ACER3: variants seen among roughly 807,000 people sequenced by gnomAD.
The protein encoded by ACER3 is alkCDase 3.
ACER3 carries 16 observed loss-of-function variants against 48.9 expected under a neutral mutation model. That is an observed-to-expected ratio of 0.33 (90% CI 0.22 to 0.50). The LOEUF (loss-of-function observed/expected upper bound fraction) is 0.50, where lower values mean the gene tolerates loss of function less well. Ranked by LOEUF, ACER3 falls within the 20% of genes least tolerant of loss-of-function variation. The probability of loss-of-function intolerance (pLI) is 0.98; values close to 1 mark genes in which losing one functional copy is unlikely to be tolerated. For missense variants in ACER3, 227 were observed against 326.0 expected, an observed-to-expected ratio of 0.70 and a Z score of 2.34; for synonymous variants, 109 against 107.8, an observed-to-expected ratio of 1.01 and a Z score of -0.07.
intron 1 of ACER3, among the ~76,000 whole-genome samples, chr11:76,897,200 G>T (rs1945955142): frequency 6.6e-6 from 1 of 152,094 alleles, no homozygotes; most frequent in African/African-American, 2.4e-5. Context: ...CAAGTGATCT[G>T]CCCGTTTCAG....
At chr11:76,877,358 A>G (rs1238517150) in intron 1 of ACER3, among the ~76,000 whole-genome samples, 1 of 152,170 alleles carries the variant, frequency 6.6e-6, no homozygotes, top group Non-Finnish European at 1.5e-5. Flanking sequence ...ATGCATGTTA[A>G]AATCTTGATG....
chr11:76,902,227 A>G (rs1194381214), intron 1 of ACER3, among the ~76,000 whole-genome samples: 3 of 152,246 alleles, frequency 2.0e-5, no homozygotes, highest in East Asian at 1.9e-4. Context: ...AAAATTATCA[A>G]ACCATCCTAT....
chr11:76,914,802 T>C (rs2134744799), intron 1 of ACER3, among the ~76,000 whole-genome samples: 1 of 152,296 alleles, frequency 6.6e-6, no homozygotes, highest in South Asian at 2.1e-4. Flanking sequence ...AACCCAGATG[T>C]CCATCAATGA....
intron 2 of ACER3, among the ~76,000 whole-genome samples, chr11:76,946,060 C>T (rs1327393482): frequency 6.6e-6 from 1 of 152,152 alleles, no homozygotes; most frequent in Admixed American, 6.5e-5. Context: ...CCAGGGAGGG[C>T]AAGGCCCCTC....
At chr11:76,871,049 T>G (rs779252390) in intron 1 of ACER3, among the ~76,000 whole-genome samples, 1 of 152,226 alleles carries the variant, frequency 6.6e-6, no homozygotes, top group Non-Finnish European at 1.5e-5. Context: ...CTGGAAATTT[T>G]AGGGCAGAGA....
intron 1 of ACER3, among the ~76,000 whole-genome samples, chr11:76,875,054 T>C (rs1348854883): frequency 6.6e-6 from 1 of 151,610 alleles, no homozygotes; most frequent in Admixed American, 6.6e-5. Flanking sequence ...TTTGAGGACT[T>C]TCTATTGACT....
intron 2 of ACER3, among the ~76,000 whole-genome samples, chr11:76,946,383 C>A (rs923226136): frequency 1.3e-5 from 2 of 152,214 alleles, no homozygotes; most frequent in African/African-American, 2.4e-5. Flanking sequence ...AGTTTCACAG[C>A]AGTCTGTAGC....
In ACER3 at chr11:77,021,682, T is replaced by C. The variant is rs1949475596; in HGVS notation, c.*1355T>C. 1 of 152,202 alleles carries C rather than the reference T, an allele frequency of 6.6e-6. No individual in the cohort carries two copies. The highest frequency in any genetic ancestry group is 1.5e-5 in the Non-Finnish European group (1 of 68,036). 9.4% of individuals were successfully genotyped at this position (152,202 alleles called of 1,614,324 possible). On this transcript the variant is annotated 3_prime_UTR_variant, in exon 11 of 11. Transcript: ENST00000532485. ...CTCAGGATTAAATCCTGAGCTACAG[T>C]TTCAAAAGGAAAATCATTTTTTTCT...
intron 7 of ACER3, among the ~76,000 whole-genome samples, chr11:77,007,194 G>A (rs1949169931): frequency 6.6e-6 from 1 of 150,804 alleles, no homozygotes; most frequent in African/African-American, 2.4e-5. Context: ...GTTGTTTTTA[G>A]TTAGGGAATT....
chr11:76,881,245 A>G (rs561989335), intron 1 of ACER3, among the ~76,000 whole-genome samples: 1 of 125,628 alleles, frequency 8.0e-6, no homozygotes, highest in African/African-American at 2.6e-5. Context: ...ACAGAGTAAG[A>G]TAATGTCTCA....
intron 2 of ACER3, among the ~76,000 whole-genome samples, chr11:76,935,150 A>T (rs1947141005): frequency 1.3e-5 from 2 of 152,094 alleles, no homozygotes; most frequent in Admixed American, 6.5e-5. Flanking sequence ...TGAATATTTA[A>T]TAGGGGCTGT....
chr11:77,011,206 T>C, intron 7 of ACER3: 1 of 317,998 alleles, frequency 3.1e-6, no homozygotes, highest in African/African-American at 2.2e-5. Context: ...TTCTACACTC[T>C]TGCACCTGAT....
Position 76,998,023 on chromosome 11 carries a change from G to C in ACER3, c.439-740G>C, listed in dbSNP as rs12290686. On this transcript the variant is annotated intron_variant, in intron 6 of 10. Coordinates refer to ENST00000532485, the MANE Select transcript of ACER3 (RefSeq NM_018367.7). Reference sequence around the variant, plus strand: ...GGTTTCCTCTAAGAAGGAAGGGAGAGGGTTGGACTGGGAAGACACACATGC... The same window carrying C: ...GGTTTCCTCTAAGAAGGAAGGGAGACGGTTGGACTGGGAAGACACACATGC... Among the ~76,000 whole-genome samples the C allele has an allele frequency of 1.4e-3, 215 of 152,232 alleles. 2 individuals are homozygous for C. The highest frequency in any genetic ancestry group is 4.9e-3 in the African/African-American group (204 of 41,552).
intron 3 of ACER3, among the ~76,000 whole-genome samples, chr11:76,961,064 G>A (rs1947982753): frequency 6.6e-6 from 1 of 152,164 alleles, no homozygotes; most frequent in Non-Finnish European, 1.5e-5. Flanking sequence ...AGCACCAAGT[G>A]TTGGAGCCTG....
At chr11:76,909,753 A>T (rs1192256564) in intron 1 of ACER3, among the ~76,000 whole-genome samples, 1 of 152,214 alleles carries the variant, frequency 6.6e-6, no homozygotes, top group African/African-American at 2.4e-5. Context: ...CATTTGACCC[A>T]GCAATCCCAT....
At chr11:76,991,353 TG>T (rs1184394607) in intron 6 of ACER3, among the ~76,000 whole-genome samples, 1 of 152,230 alleles carries the variant, frequency 6.6e-6, no homozygotes, top group Non-Finnish European at 1.5e-5. Flanking sequence ...AAATATTTTG[TG>T]CTTATATAAA....
intron 3 of ACER3, among the ~76,000 whole-genome samples, chr11:76,968,502 A>G (rs1391389760): frequency 6.6e-6 from 1 of 152,248 alleles, no homozygotes; most frequent in East Asian, 1.9e-4. Flanking sequence ...CTAAGCCAAA[A>G]GAACAAAGCT....
At chr11:77,017,197 A>C (rs1373994511) in intron 9 of ACER3, among the ~76,000 whole-genome samples, 1 of 152,152 alleles carries the variant, frequency 6.6e-6, no homozygotes. Flanking sequence ...TGTGAAACTA[A>C]GAGTTGGGGT....
chr11:76,872,080 T>C (rs1048194751), intron 1 of ACER3, among the ~76,000 whole-genome samples: 2 of 114,230 alleles, frequency 1.8e-5, no homozygotes, highest in Admixed American at 1.3e-4. Flanking sequence ...TGGCATAGGC[T>C]GAACTTTTTT....
Sources: gnomAD v4.1 joint callset for allele counts (sites outside exome capture counted in the v4.1 genomes callset) on GRCh38, gnomAD v4.1.1 for gene constraint, MANE v1.5 for transcripts, NCBI Gene and HGNC (gene_info 2026-07-23, HGNC 2026-07-21) for gene names.